NAP1L4: variants seen among roughly 807,000 people sequenced by gnomAD.
NAP1L4 encodes the protein nucleosome assembly protein 1-like 4.
In NAP1L4, 15 loss-of-function variants were observed where a neutral mutation model predicts 58.2. The observed-to-expected ratio is 0.26, with a 90% CI of 0.17 to 0.40. The LOEUF is 0.40. Ranked by LOEUF, NAP1L4 falls within the 10% of genes least tolerant of loss-of-function variation. The pLI is 1.00. For synonymous variants in NAP1L4, 171 were observed against 155.6 expected (o/e 1.10, Z -0.74); for missense variants, 384 against 451.1 (o/e 0.85, Z 1.35).
In NAP1L4 at chr11:2,945,276, G is replaced by C. The variant is rs1845881841; in HGVS notation, c.*403C>G. Reference sequence around the variant, plus strand: ...CTGGGAACCACATCACCAGACCTCGGCCCTTTTTGCCAAGTGACCCCCACC... The same window carrying C: ...CTGGGAACCACATCACCAGACCTCGCCCCTTTTTGCCAAGTGACCCCCACC... On this transcript the variant is annotated 3_prime_UTR_variant, in exon 16 of 16. Transcript: ENST00000380542. 3.9e-6 allele frequency: 1 copy of C among 257,886 alleles called. No homozygotes were observed. Among genetic ancestry groups the C allele is most frequent in the African/African-American group, 2.2e-5 (1 of 45,282 alleles). 16.0% of individuals were successfully genotyped at this position (257,886 alleles called of 1,614,324 possible). A position where few individuals can be genotyped will look rare whatever the true frequency, so the allele number is the denominator to read the frequency against.
intron 1 of NAP1L4, chr11:2,990,381 T>C (rs1254193638): frequency 2.0e-5 from 3 of 152,244 alleles, no homozygotes; most frequent in Non-Finnish European, 4.4e-5. Context: ...TCATTTTATC[T>C]TTGGATTACT....
chr11:2,981,306 A>C (rs995218774), intron 1 of NAP1L4, among the ~76,000 whole-genome samples: 1 of 150,942 alleles, frequency 6.6e-6, no homozygotes, highest in African/African-American at 2.4e-5. Context: ...GCTACTTGAG[A>C]GGCTGAGACA....
At position 2,948,008 on chromosome 11, in the gene NAP1L4, G is replaced by C. The variant is rs1342198152; in HGVS notation, c.*32+1219C>G. 1.3e-5 allele frequency among the ~76,000 whole-genome samples: 2 copies of C among 152,302 alleles called. No homozygotes were observed. Among genetic ancestry groups the C allele is most frequent in the Non-Finnish European group, 2.9e-5 (2 of 68,034 alleles). ...AGGGAGGCATACTGAAATACGGATA[G>C]GTGGCACGCATCGAGGATTCTCTTC... On this transcript the variant is annotated intron_variant, in intron 15 of 15. Coordinates refer to ENST00000380542, the MANE Select transcript of NAP1L4 (RefSeq NM_005969.4). This position sits in a 1 kb window ranked among gnomAD's most constrained non-coding sequence, Gnocchi z 5.1.
intron 1 of NAP1L4, among the ~76,000 whole-genome samples, chr11:2,988,513 G>A (rs566977703): frequency 6.6e-6 from 1 of 152,332 alleles, no homozygotes; most frequent in Non-Finnish European, 1.5e-5. Context: ...GTACATAGAA[G>A]ATGCTCATGA....
At chr11:2,986,384 AAAAGAAAAAG>A (rs1564993179) in intron 1 of NAP1L4, among the ~76,000 whole-genome samples, 3 of 73,370 alleles carry the variant, frequency 4.1e-5, no homozygotes, top group East Asian at 1.7e-3. Context: ...AAAAAAAAAA[AAAAGAAAAAG>A]AAAGGAAAAA....
rs1845972793 is a variant in NAP1L4 at position 2,946,989 on chromosome 11, G to C, written c.*33-1343C>G. Among the ~76,000 whole-genome samples, 1 of 152,192 alleles carries C rather than the reference G, an allele frequency of 6.6e-6. No individual in the cohort carries two copies. The highest frequency in any genetic ancestry group is 2.4e-5 in the African/African-American group (1 of 41,434). ...GACTCGCCTAGAAAATGGGATGTCA[G>C]TAAAGGAGCTGTGCAGGGACGGGGA... On this transcript the variant is annotated intron_variant, in intron 15 of 15. Coordinates refer to ENST00000380542, the MANE Select transcript of NAP1L4 (RefSeq NM_005969.4). This position sits in a 1 kb window ranked among gnomAD's most constrained non-coding sequence, Gnocchi z 4.8.
intron 8 of NAP1L4, among the ~76,000 whole-genome samples, chr11:2,961,056 C>G (rs1387048011): frequency 6.6e-6 from 1 of 152,090 alleles, no homozygotes. Context: ...TCACTTAGAG[C>G]CGCGTTTATA....
rs1325559324 is a variant in NAP1L4 at position 2,951,082 on chromosome 11, T to G, written c.1122+177A>C. 1 of 656,002 alleles carries G rather than the reference T, an allele frequency of 1.5e-6. No homozygotes were observed. The allele number at this position is 656,002 out of a possible 1,614,324, so 40.6% of individuals were successfully genotyped here. A position where few individuals can be genotyped will look rare whatever the true frequency, so the allele number is the denominator to read the frequency against. On this transcript the variant is annotated intron_variant, in intron 14 of 15. Transcript: ENST00000380542. This position sits in a 1 kb window ranked among gnomAD's most constrained non-coding sequence, Gnocchi z 4.0. ...TCTACTGAGTATGTACACTCAACAC[T>G]CAAATTATAGACACAGTGTCTGAAT...
intron 3 of NAP1L4, among the ~76,000 whole-genome samples, chr11:2,977,906 G>A (rs1207320265): frequency 6.6e-6 from 1 of 150,660 alleles, no homozygotes; most frequent in Non-Finnish European, 1.5e-5. Context: ...AGTGGTCTGT[G>A]CCTGTAGCCC....
At chr11:2,985,902 T>C (rs1848588695) in intron 1 of NAP1L4, among the ~76,000 whole-genome samples, 1 of 152,068 alleles carries the variant, frequency 6.6e-6, no homozygotes, top group Non-Finnish European at 1.5e-5. Flanking sequence ...TTCCCATGAT[T>C]ACACAAATGT....
At chr11:2,982,887 G>A (rs1358055674) in intron 1 of NAP1L4, among the ~76,000 whole-genome samples, 1 of 152,166 alleles carries the variant, frequency 6.6e-6, no homozygotes, top group Non-Finnish European at 1.5e-5. Context: ...TGGGCATGGT[G>A]GCACTCGCCT....
rs1846068711 is a variant in NAP1L4, at chr11:2,948,736, CCT to C, written c.*32+489_*32+490del. On this transcript the variant is annotated intron_variant, in intron 15 of 15. Coordinates refer to ENST00000380542, the MANE Select transcript of NAP1L4 (RefSeq NM_005969.4). The surrounding 1 kb of genome is among the most constrained non-coding windows in gnomAD (Gnocchi z 5.1). The stretch of plus-strand genomic sequence containing the variant: ...TGCTGGCACAGTAAAAGCTGTTACC[CCT>C]CTGTGTACCTATTGGTCTGCACAAA... 6.6e-6 allele frequency among the ~76,000 whole-genome samples: 1 copy of C among 152,228 alleles called. No individual in the cohort carries two copies. Among genetic ancestry groups the C allele is most frequent in the African/African-American group, 2.4e-5 (1 of 41,456 alleles).
chr11:2,957,738 T>A (rs543041107), intron 10 of NAP1L4, among the ~76,000 whole-genome samples: 2 of 152,300 alleles, frequency 1.3e-5, no homozygotes, highest in Non-Finnish European at 2.9e-5. Context: ...TAGGAAAATT[T>A]AAAAAATAAA....
At chr11:2,953,262 A>G (rs562024622) in intron 12 of NAP1L4, among the ~76,000 whole-genome samples, 6 of 152,402 alleles carry the variant, frequency 3.9e-5, no homozygotes, top group African/African-American at 4.8e-5. Context: ...GATACCGCAT[A>G]TAAGTAAGCA....
intron 1 of NAP1L4, chr11:2,990,604 G>A (rs554584441): frequency 6.6e-6 from 1 of 152,614 alleles, no homozygotes; most frequent in African/African-American, 2.4e-5. Flanking sequence ...GCACAATGAT[G>A]AAAACAATTT....
intron 7 of NAP1L4, among the ~76,000 whole-genome samples, chr11:2,966,309 G>T (rs1435436908): frequency 6.6e-6 from 1 of 152,108 alleles, no homozygotes; most frequent in African/African-American, 2.4e-5. Context: ...CCGTCCTCTA[G>T]CTTTCTGAAA....
chr11:2,977,325 T>C (rs72850054), intron 3 of NAP1L4, among the ~76,000 whole-genome samples: 2,051 of 152,214 alleles, frequency 0.013, 20 homozygotes, highest in Non-Finnish European at 0.024. Flanking sequence ...TCAGTGTCCT[T>C]GGGCAGGTGC....
At chr11:2,973,991 C>G (rs1847802084) in intron 4 of NAP1L4, among the ~76,000 whole-genome samples, 1 of 152,198 alleles carries the variant, frequency 6.6e-6, no homozygotes, top group Admixed American at 6.5e-5. Flanking sequence ...TGGTCTCGAA[C>G]TCCTGAGCTC....
intron 15 of NAP1L4, 98 bp from the exon 16 acceptor site, chr11:2,945,744 T>C (rs1845907674): frequency 3.0e-6 from 3 of 1,008,550 alleles, no homozygotes; most frequent in Non-Finnish European, 4.2e-6. Context: ...ATGAGTTCAT[T>C]CTCATTGAAA....
Sources: gnomAD v4.1 joint callset for allele counts (sites outside exome capture counted in the v4.1 genomes callset) on GRCh38, gnomAD v4.1.1 for gene constraint, Gnocchi (gnomAD v3.1) non-coding constraint, MANE v1.5 for transcripts, NCBI Gene and HGNC (gene_info 2026-07-23, HGNC 2026-07-21) for gene names.